CBFB: variants seen among roughly 807,000 people sequenced by gnomAD.
CBFB encodes core-binding factor subunit beta.
In CBFB, 9 loss-of-function variants were observed where a neutral mutation model predicts 30.4. The ratio of observed to expected loss-of-function variants is 0.30; its 90% CI spans 0.18 to 0.52. The LOEUF is 0.52. CBFB is among the 20% of genes least tolerant of loss of function. The pLI, the probability that CBFB is intolerant of heterozygous loss-of-function variation, is 0.97. For missense variants in CBFB, 170 were observed against 244.0 expected (o/e 0.70, Z 2.02); for synonymous variants, 94 against 84.0 (o/e 1.12, Z -0.65).
Position 67,098,858 on chromosome 16 carries a change from C to A in CBFB, c.*80C>A. 1.2e-6 allele frequency: 1 copy of A among 856,584 alleles called. No individual in the cohort carries two copies. The highest frequency in any genetic ancestry group is 1.4e-5 in the South Asian group (1 of 73,296). The allele number at this position is 856,584 out of a possible 1,614,324, so 53.1% of individuals were successfully genotyped here. On this transcript the variant is annotated 3_prime_UTR_variant, in exon 6 of 6. Coordinates refer to ENST00000412916, the MANE Select transcript of CBFB (RefSeq NM_022845.3). ...TGGCAGAAATAATTGATTAAAAGAC[C>A]AGAAACTGTGATAACTGGAGGTACT... is the stretch of plus-strand genomic sequence containing the variant.
chr16:67,030,756 C>T (rs552452522), intron 2 of CBFB, among the ~76,000 whole-genome samples: 1 of 152,200 alleles, frequency 6.6e-6, no homozygotes, highest in African/African-American at 2.4e-5. Context: ...CCTGCCACCA[C>T]GCCCGGCTAA....
chr16:67,043,697 A>G (rs188547216), intron 3 of CBFB, among the ~76,000 whole-genome samples: 22 of 152,350 alleles, frequency 1.4e-4, no homozygotes, highest in African/African-American at 5.3e-4. Flanking sequence ...TGCCCTATTC[A>G]TGTGCCTCAT....
intron 2 of CBFB, among the ~76,000 whole-genome samples, chr16:67,031,849 T>C (rs1002270769): frequency 2.0e-5 from 3 of 151,822 alleles, no homozygotes; most frequent in Admixed American, 2.0e-4. Flanking sequence ...GAGGTCTTGC[T>C]GTGTGGCCTA....
intron 5 of CBFB, among the ~76,000 whole-genome samples, chr16:67,082,932 A>G (rs1334342606): frequency 2.6e-5 from 4 of 152,338 alleles, no homozygotes; most frequent in South Asian, 2.1e-4. Context: ...TCTATAGCCC[A>G]ATGAATTACT....
intron 4 of CBFB, among the ~76,000 whole-genome samples, chr16:67,069,417 A>G (rs1961155531): frequency 6.6e-6 from 1 of 152,202 alleles, no homozygotes; most frequent in South Asian, 2.1e-4. Context: ...GTAGTAACAA[A>G]AAGTTCACAG....
chr16:67,084,028 A>G (rs1961643069), intron 5 of CBFB, among the ~76,000 whole-genome samples: 1 of 152,026 alleles, frequency 6.6e-6, no homozygotes, highest in South Asian at 2.1e-4. Flanking sequence ...ATTAGCCAGC[A>G]TGGTGGCACA....
At chr16:67,053,999 T>A (rs898366492) in intron 3 of CBFB, among the ~76,000 whole-genome samples, 4 of 152,118 alleles carry the variant, frequency 2.6e-5, no homozygotes, top group African/African-American at 9.6e-5. Flanking sequence ...ATATGAGCAT[T>A]TTGCCCTCAG....
chr16:67,067,236 C>T (rs1427433244), intron 4 of CBFB, among the ~76,000 whole-genome samples: 1 of 149,590 alleles, frequency 6.7e-6, no homozygotes, highest in Non-Finnish European at 1.5e-5. Flanking sequence ...AAAAGCTGGA[C>T]GTGGTGGCTC....
chr16:67,085,604 C>T (rs1961703440), intron 5 of CBFB, among the ~76,000 whole-genome samples: 1 of 151,972 alleles, frequency 6.6e-6, no homozygotes, highest in African/African-American at 2.4e-5. Context: ...AAGCAGTTCT[C>T]CCTCCTTGAC....
intron 4 of CBFB, among the ~76,000 whole-genome samples, chr16:67,074,095 T>A (rs1381744166): frequency 1.3e-5 from 2 of 152,274 alleles, no homozygotes; most frequent in South Asian, 2.1e-4. Context: ...TTAGAAAATC[T>A]AAGATAATTT....
At chr16:67,039,084 A>G (rs1384163695) in intron 3 of CBFB, among the ~76,000 whole-genome samples, 4 of 152,182 alleles carry the variant, frequency 2.6e-5, no homozygotes, top group Non-Finnish European at 4.4e-5. Context: ...GTTCTGGGAA[A>G]TGTGTTGCTG....
Position 67,077,656 on chromosome 16 carries a change from C to G in CBFB, c.400-4557C>G, listed in dbSNP as rs1262004322. Among the ~76,000 whole-genome samples the G allele has an allele frequency of 2.0e-5, 3 of 152,196 alleles. No individual in the cohort carries two copies. The East Asian group carries it at 5.8e-4, about 29-fold the overall frequency. On this transcript the variant is annotated intron_variant, in intron 4 of 5. Coordinates refer to ENST00000412916, the MANE Select transcript of CBFB (RefSeq NM_022845.3). ...AAATTAGATGTTCATCATCAACTGT[C>G]TTGGAAAAAAATTGATTCTTAATTT...
chr16:67,029,597 A>C (rs1443096581), intron 1 of CBFB, 112 bp downstream of exon 1: 1 of 1,314,772 alleles, frequency 7.6e-7, no homozygotes, highest in Non-Finnish European at 1.0e-6. Flanking sequence ...GCGCCCGCGG[A>C]GGGGCAATCT....
At chr16:67,044,486 CATT>C (rs1310235739) in intron 3 of CBFB, among the ~76,000 whole-genome samples, 3 of 152,040 alleles carry the variant, frequency 2.0e-5, no homozygotes, top group South Asian at 2.1e-4. Context: ...AAGTATATGT[CATT>C]AGAGTAGCTA....
chr16:67,084,147 C>CT (rs1961647028), intron 5 of CBFB, among the ~76,000 whole-genome samples: 1 of 108,362 alleles, frequency 9.2e-6, no homozygotes, highest in African/African-American at 3.6e-5. Flanking sequence ...GCCTGGATGA[C>CT]AGAGCAGGAC....
At chr16:67,057,311 C>A (rs993659059) in intron 3 of CBFB, among the ~76,000 whole-genome samples, 15 of 152,130 alleles carry the variant, frequency 9.9e-5, no homozygotes, top group Admixed American at 2.0e-4. Context: ...GGTCAGTGTT[C>A]AATTTGGAAG....
At chr16:67,089,414 C>T (rs1372600610) in intron 5 of CBFB, among the ~76,000 whole-genome samples, 1 of 152,102 alleles carries the variant, frequency 6.6e-6, no homozygotes, top group African/African-American at 2.4e-5. Context: ...TTATTTTTCA[C>T]TGTGTATCTT....
chr16:67,082,250 C>T lies in CBFB; in HGVS notation c.437C>T (p.Ala146Val). ...TTAGCACAACAGGCCTTTGAAGAGG[C>T]TCGGAGAAGGACACGCGAATTTGAA... ...DALAQQAFEE[A>V]RRRTREFEDR... The change falls in exon 5 of 6, where the codon GCT becomes GTT. Residue 146 changes from alanine (A) to valine (V), a missense_variant. Coordinates refer to ENST00000412916, the MANE Select transcript of CBFB (RefSeq NM_022845.3). The T allele has an allele frequency of 6.2e-7, 1 of 1,610,234 alleles. No homozygotes were observed. Among genetic ancestry groups the T allele is most frequent in the Non-Finnish European group, 8.5e-7 (1 of 1,177,226 alleles).
At chr16:67,037,140 G>A (rs550461694) in intron 3 of CBFB, among the ~76,000 whole-genome samples, 20 of 152,024 alleles carry the variant, frequency 1.3e-4, no homozygotes, top group Admixed American at 6.6e-4. Flanking sequence ...CTTGTGATCC[G>A]CCCACCTCTG....
Sources: allele counts gnomAD v4.1 joint callset (sites outside exome capture counted in the v4.1 genomes callset), GRCh38; gene constraint gnomAD v4.1.1; transcripts MANE v1.5; gene names NCBI Gene and HGNC (gene_info 2026-07-23, HGNC 2026-07-21).